XRN1: variants seen among roughly 807,000 people sequenced by gnomAD.
XRN1 encodes the protein 5'-3' exoribonuclease 1.
A neutral mutation model predicts 222.3 loss-of-function variants in XRN1; 67 were observed. That is an observed-to-expected ratio of 0.30 (90% confidence interval 0.25 to 0.37). The LOEUF is 0.37. Ranked by LOEUF, XRN1 falls within the 10% of genes least tolerant of loss-of-function variation. The pLI, the probability that XRN1 is intolerant of heterozygous loss-of-function variation, is 1.00. For synonymous variants in XRN1, 643 were observed against 652.4 expected, an observed-to-expected ratio of 0.99 and a Z score of 0.22; for missense variants, 1,707 against 2,000.2, an observed-to-expected ratio of 0.85 and a Z score of 2.80.
intron 1 of XRN1, chr3:142,435,352 C>A (rs530426778): frequency 1.3e-5 from 2 of 149,654 alleles, no homozygotes; most frequent in African/African-American, 4.9e-5. Context: ...GAGCGGAGAT[C>A]GAGCCACTGC....
chr3:142,334,598 A>G (rs187745789), intron 34 of XRN1, among the ~76,000 whole-genome samples: 21 of 151,714 alleles, frequency 1.4e-4, no homozygotes, highest in African/African-American at 4.6e-4. Context: ...TAAATTTGCT[A>G]TTTTGTTCCA....
intron 29 of XRN1, 60 bp from the exon 30 acceptor site, chr3:142,359,991 A>T: frequency 4.8e-6 from 6 of 1,257,618 alleles, no homozygotes; most frequent in Non-Finnish European, 6.7e-6. Flanking sequence ...AAATCAACAG[A>T]TAAGTTTTTG....
At chr3:142,345,292 T>TG (rs758522659) in intron 33 of XRN1, among the ~76,000 whole-genome samples, 8 of 152,140 alleles carry the variant, frequency 5.3e-5, no homozygotes, top group South Asian at 4.1e-4. Context: ...GAAAATTCAA[T>TG]GGGGAAAGAG....
intron 19 of XRN1, among the ~76,000 whole-genome samples, chr3:142,398,580 T>A (rs778428247): frequency 6.6e-6 from 1 of 152,106 alleles, no homozygotes; most frequent in African/African-American, 2.4e-5. Context: ...ATGCCCAGGC[T>A]GGTCTTGAAC....
At chr3:142,421,606 A>G (rs1437764832) in intron 8 of XRN1, 63 bp from the exon 9 acceptor site, 1 of 1,212,840 alleles carries the variant, frequency 8.2e-7, no homozygotes, top group East Asian at 2.4e-5. Context: ...CAATTCTACA[A>G]AACTCTTTCT....
At chr3:142,347,440 A>C in intron 32 of XRN1, 98 bp from the exon 33 acceptor site, 1 of 788,428 alleles carries the variant, frequency 1.3e-6, no homozygotes, top group South Asian at 2.8e-5. Flanking sequence ...AAAATTATAT[A>C]GTTCCTTAGA....
At chr3:142,344,082 G>T (rs1310632731) in intron 33 of XRN1, among the ~76,000 whole-genome samples, 1 of 149,642 alleles carries the variant, frequency 6.7e-6, no homozygotes, top group Non-Finnish European at 1.5e-5. Context: ...GTTACTAGAG[G>T]CTGGGAAGAG....
chr3:142,381,432 C>T (rs1215782202), intron 22 of XRN1, among the ~76,000 whole-genome samples: 2 of 151,934 alleles, frequency 1.3e-5, no homozygotes, highest in East Asian at 1.9e-4. Flanking sequence ...GAACTATTTT[C>T]TTCCTTTATT....
Position 142,358,188 on chromosome 3 carries a change from A to G in XRN1, c.3465-1069T>C, listed in dbSNP as rs192108177. Among the ~76,000 whole-genome samples the G allele has an allele frequency of 1.6e-3, 242 of 152,268 alleles. 1 individual carries two copies. Among genetic ancestry groups the G allele is most frequent in the African/African-American group, 4.6e-3 (191 of 41,576 alleles). ...CAGGGTAAATGTCAGCTTTGATCTC[A>G]TTTGTCTATCGGTCAAATGTGGAGT... is the stretch of plus-strand genomic sequence containing the variant. On this transcript the variant is annotated intron_variant, in intron 30 of 40. Transcript: ENST00000392981.
At chr3:142,332,305 T>A in intron 36 of XRN1, 70 bp downstream of exon 36, 1 of 1,173,484 alleles carries the variant, frequency 8.5e-7, no homozygotes, top group South Asian at 1.7e-5. Flanking sequence ...TAAAAGTACA[T>A]GATTAAAAAG....
At position 142,323,866 on chromosome 3, in the gene XRN1, A is replaced by T. The variant is rs556566272; in HGVS notation, c.4405-4963T>A. Among the ~76,000 whole-genome samples the T allele has an allele frequency of 5.2e-3, 779 of 149,432 alleles. 9 individuals carry two copies. The highest frequency in any genetic ancestry group is 0.019 in the African/African-American group (758 of 40,766). ...TTTTAAGTAGTTAATATTTTTTACT[A>T]TTTTTTTTTTGTTTCTAGTTTTATG... On this transcript the variant is annotated intron_variant, in intron 37 of 40. Transcript: ENST00000392981.
rs995704841 is a variant in XRN1 at position 142,310,360 on chromosome 3, G to C, written c.*1151C>G. ...ATATATATATATAAACATAGGCCCT[G>C]CTGAGAAATCGTCATAAATTCTAAA... is the stretch of plus-strand genomic sequence containing the variant. On this transcript the variant is annotated 3_prime_UTR_variant, in exon 41 of 41. Transcript: ENST00000392981. 6 of 152,272 alleles carry C rather than the reference G, an allele frequency of 3.9e-5. No individual in the cohort carries two copies. The highest frequency in any genetic ancestry group is 8.8e-5 in the Non-Finnish European group (6 of 67,964). The allele number at this position is 152,272 out of a possible 1,614,324, so 9.4% of individuals were successfully genotyped here. A position where few individuals can be genotyped will look rare whatever the true frequency, so the allele number is the denominator to read the frequency against.
At chr3:142,355,271 A>G (rs1345109543) in intron 32 of XRN1, 130 bp downstream of exon 32, 1 of 503,102 alleles carries the variant, frequency 2.0e-6, no homozygotes, top group African/African-American at 2.0e-5. Context: ...GAAAAAGAAA[A>G]TTCATGATCA....
chr3:142,404,184 G>A (rs1053069014), intron 16 of XRN1, among the ~76,000 whole-genome samples, 195 bp from the exon 17 acceptor site: 4 of 152,040 alleles, frequency 2.6e-5, no homozygotes, highest in South Asian at 2.1e-4. Context: ...AATCATGCCT[G>A]TAGATTACTA....
At chr3:142,415,622 C>A (rs2068754417) in intron 13 of XRN1, among the ~76,000 whole-genome samples, 1 of 152,138 alleles carries the variant, frequency 6.6e-6, no homozygotes, top group Non-Finnish European at 1.5e-5. Context: ...AATGGCAAAT[C>A]AAGGATTTTC....
intron 15 of XRN1, among the ~76,000 whole-genome samples, chr3:142,412,084 A>G (rs1404124562): frequency 1.3e-5 from 2 of 152,066 alleles, no homozygotes; most frequent in Admixed American, 6.5e-5. Context: ...TCAGCCTCCC[A>G]AAGTGCTGGG....
chr3:142,310,369 T>C lies in XRN1; in HGVS notation c.*1142A>G, dbSNP rs1027123690. On this transcript the variant is annotated 3_prime_UTR_variant, in exon 41 of 41. Coordinates refer to ENST00000392981, the MANE Select transcript of XRN1 (RefSeq NM_001282857.2). ...TATAAACATAGGCCCTGCTGAGAAA[T>C]CGTCATAAATTCTAAAATAATTTCA... 7.2e-5 allele frequency: 11 copies of C among 152,250 alleles called. No individual in the cohort carries two copies. Among genetic ancestry groups the C allele is most frequent in the African/African-American group, 2.4e-4 (10 of 41,360 alleles). 9.4% of individuals were successfully genotyped at this position (152,250 alleles called of 1,614,324 possible). A position where few individuals can be genotyped will look rare whatever the true frequency, so the allele number is the denominator to read the frequency against.
intron 20 of XRN1, among the ~76,000 whole-genome samples, chr3:142,387,811 G>C (rs1254630150): frequency 6.6e-6 from 1 of 152,068 alleles, no homozygotes; most frequent in African/African-American, 2.4e-5. Flanking sequence ...CAATGAGGAG[G>C]ATACGGGGGT....
chr3:142,417,162 G>A lies in XRN1; in HGVS notation c.1414C>T (p.His472Tyr). 1 of 1,613,314 alleles carries A rather than the reference G, an allele frequency of 6.2e-7. No homozygotes were observed. Reference protein sequence around the residue: ...AIQWILHYYYHGVQSWSWYYP... With the variant: ...AIQWILHYYYYGVQSWSWYYP... Reference sequence around the variant, plus strand: ...CACCAGCTCCAGGACTGAACTCCATGATAGTAATAGTGCAAAATCCACTGT... The same window carrying A: ...CACCAGCTCCAGGACTGAACTCCATAATAGTAATAGTGCAAAATCCACTGT... Residue 472 changes from histidine to tyrosine, a missense_variant, in exon 13 of 41, where the codon CAT becomes TAT. This residue lies in a region of XRN1 where 1,234 missense variants were observed against 1,518.2 expected (regional missense o/e 0.81). Transcript: ENST00000392981.
Sources: gnomAD v4.1 joint callset for allele counts (sites outside exome capture counted in the v4.1 genomes callset) on GRCh38, gnomAD v4.1.1 for gene constraint, gnomAD v4.1.1 regional missense constraint, MANE v1.5 for transcripts, NCBI Gene and HGNC (gene_info 2026-07-23, HGNC 2026-07-21) for gene names.